Variants in SH3BP5 observed in about 807,000 individuals in gnomAD.
SH3BP5 encodes SH3 domain binding protein 5, also known as SH3 domain-binding protein 5.
Under a neutral mutation model 43.3 loss-of-function variants are expected in SH3BP5, and 22 were observed. The ratio of observed to expected loss-of-function variants is 0.51; its 90% CI spans 0.36 to 0.73. The LOEUF (loss-of-function observed/expected upper bound fraction) is 0.73. Ranked by LOEUF, SH3BP5 falls within the 30% of genes least tolerant of loss-of-function variation. The probability of loss-of-function intolerance (pLI) is 0.00; values close to 1 mark genes in which losing one functional copy is unlikely to be tolerated. For missense variants in SH3BP5, 529 were observed against 586.9 expected (o/e 0.90, Z 1.02); for synonymous variants, 255 against 225.8 (o/e 1.13, Z -1.16).
chr3:15,309,908 C>CA (rs987125793), intron 2 of SH3BP5, among the ~76,000 whole-genome samples: 1 of 93,664 alleles, frequency 1.1e-5, no homozygotes, highest in African/African-American at 4.4e-5. Context: ...CCCGCTCCAC[C>CA]CCCCCCCCAT....
intron 4 of SH3BP5, 21 bp from the exon 5 acceptor site, chr3:15,262,310 C>A: frequency 1.3e-6 from 2 of 1,596,778 alleles, no homozygotes; most frequent in Non-Finnish European, 8.6e-7. Context: ...CAGCAGAGTT[C>A]AGCCCAGTCC....
At position 15,313,098 on chromosome 3, in the gene SH3BP5, A is replaced by T. The variant is rs546644558; in HGVS notation, c.202-8867T>A. ...GTCTCTACTAAAAAATAAAAAAAAT[A>T]AAAAAATAAAAAAATAGCCGGGCAT... is the stretch of plus-strand genomic sequence containing the variant. On this transcript the variant is annotated intron_variant, in intron 2 of 8. Coordinates refer to ENST00000383791, the MANE Select transcript of SH3BP5 (RefSeq NM_004844.5). 7.8e-4 allele frequency among the ~76,000 whole-genome samples: 118 copies of T among 152,032 alleles called. 1 individual carries two copies. Among genetic ancestry groups the T allele is most frequent in the Non-Finnish European group, 1.5e-3 (101 of 68,002 alleles).
chr3:15,287,257 CATG>C (rs1697291421), intron 3 of SH3BP5, among the ~76,000 whole-genome samples: 1 of 152,196 alleles, frequency 6.6e-6, no homozygotes, highest in African/African-American at 2.4e-5. Flanking sequence ...ACATGACATG[CATG>C]ATATTTAAAG....
chr3:15,280,930 C>T (rs1344375848), intron 3 of SH3BP5, among the ~76,000 whole-genome samples: 2 of 152,226 alleles, frequency 1.3e-5, no homozygotes, highest in South Asian at 2.1e-4. Context: ...ACCCAGGCCA[C>T]GAACCTGGTC....
In SH3BP5 at chr3:15,289,429, C is replaced by T. The variant is rs1015055452; in HGVS notation, c.330+14674G>A. On this transcript the variant is annotated intron_variant, in intron 3 of 8. Transcript: ENST00000383791. ...CTGGAGTTCCTGGAGCCATCTTCAA[C>T]CACAAGGTGACGTGGAAGATTGGAC... Among the ~76,000 whole-genome samples the T allele has an allele frequency of 5.3e-5, 8 of 152,292 alleles. No individual in the cohort carries two copies. The South Asian group carries it at 1.5e-3, about 28-fold the overall frequency.
At chr3:15,262,839 TC>T (rs1696499670) in intron 4 of SH3BP5, among the ~76,000 whole-genome samples, 1 of 151,638 alleles carries the variant, frequency 6.6e-6, no homozygotes, top group Non-Finnish European at 1.5e-5. Flanking sequence ...ATGCCTGTAG[TC>T]CCAGCTACTT....
chr3:15,333,320 A>G, upstream of SH3BP5: 1 of 968,884 alleles, frequency 1.0e-6, no homozygotes, highest in Non-Finnish European at 1.2e-6. Context: ...CTGTGATGTC[A>G]GGGGAACGCA....
chr3:15,320,200 T>C (rs1698286219), intron 2 of SH3BP5, among the ~76,000 whole-genome samples: 1 of 152,028 alleles, frequency 6.6e-6, no homozygotes, highest in South Asian at 2.1e-4. Flanking sequence ...AAAAGATTTA[T>C]ATTAAGAGGG....
intron 4 of SH3BP5, among the ~76,000 whole-genome samples, chr3:15,265,164 C>T (rs1355017601): frequency 1.3e-5 from 2 of 152,124 alleles, no homozygotes; most frequent in Non-Finnish European, 2.9e-5. Context: ...CTTCGCCCCA[C>T]CAGGCCACGT....
At position 15,258,811 on chromosome 3, in the gene SH3BP5, C is replaced by T; in HGVS notation, c.889+20G>A. The T allele has an allele frequency of 6.3e-7, 1 of 1,590,958 alleles. No homozygotes were observed. The highest frequency in any genetic ancestry group is 8.6e-7 in the Non-Finnish European group (1 of 1,159,892). On this transcript the variant is annotated intron_variant, in intron 7 of 8. Transcript: ENST00000383791. Reference sequence around the variant, plus strand: ...ACAGTCTGATATCTCCCCACATACCCAGTGGAGCCCCTGACTTACCAGAAA... The same window carrying T: ...ACAGTCTGATATCTCCCCACATACCTAGTGGAGCCCCTGACTTACCAGAAA...
At chr3:15,293,573 A>C (rs960250518) in intron 3 of SH3BP5, among the ~76,000 whole-genome samples, 1 of 152,228 alleles carries the variant, frequency 6.6e-6, no homozygotes, top group Middle Eastern at 3.2e-3. Flanking sequence ...CAATGAGCTC[A>C]AAAACTGCCT....
intron 2 of SH3BP5, among the ~76,000 whole-genome samples, chr3:15,321,459 C>T (rs1698323032): frequency 6.6e-6 from 1 of 152,052 alleles, no homozygotes; most frequent in South Asian, 2.1e-4. Flanking sequence ...TTCCCATCAG[C>T]CTTCATAGTT....
At chr3:15,275,421 C>T (rs977512866) in intron 3 of SH3BP5, among the ~76,000 whole-genome samples, 3 of 152,186 alleles carry the variant, frequency 2.0e-5, no homozygotes, top group African/African-American at 7.2e-5. Context: ...TTGGTACAAC[C>T]GATAACATTT....
intron 2 of SH3BP5, among the ~76,000 whole-genome samples, chr3:15,325,321 C>G (rs572127860): frequency 2.8e-4 from 43 of 152,364 alleles, no homozygotes; most frequent in African/African-American, 9.6e-4. Context: ...ACCCATTTAT[C>G]TCTGACTCAC....
chr3:15,304,516 T>A (rs928161947), intron 2 of SH3BP5, among the ~76,000 whole-genome samples: 1 of 152,156 alleles, frequency 6.6e-6, no homozygotes, highest in African/African-American at 2.4e-5. Flanking sequence ...AGTTTTTAGT[T>A]TATTTAATTT....
At chr3:15,262,391 G>A (rs2125049933) in intron 4 of SH3BP5, 102 bp from the exon 5 acceptor site, 1 of 1,390,190 alleles carries the variant, frequency 7.2e-7, no homozygotes. Context: ...CCCGGGCATG[G>A]TGACACATGT....
At chr3:15,304,814 CAAAAAA>C (rs11358968) in intron 2 of SH3BP5, among the ~76,000 whole-genome samples, 1 of 80,154 alleles carries the variant, frequency 1.2e-5, no homozygotes, top group African/African-American at 4.7e-5. Flanking sequence ...GACTCTGTCT[CAAAAAA>C]AAAAAAAAAA....
intron 2 of SH3BP5, among the ~76,000 whole-genome samples, chr3:15,306,054 T>A (rs1307182483): frequency 8.8e-5 from 12 of 137,036 alleles, no homozygotes; most frequent in Admixed American, 7.9e-4. Context: ...TGCATGAGTT[T>A]AAAAAAAAAA....
chr3:15,316,219 C>CTTTTTTTTTTTT (rs577644493), intron 2 of SH3BP5, among the ~76,000 whole-genome samples: 2 of 81,686 alleles, frequency 2.4e-5, no homozygotes, highest in Non-Finnish European at 4.4e-5. Flanking sequence ...AAAAGACTCG[C>CTTTTTTTTTTTT]TTTTTTTTTT....
Sources: allele counts gnomAD v4.1 joint callset (sites outside exome capture counted in the v4.1 genomes callset), GRCh38; gene constraint gnomAD v4.1.1; transcripts MANE v1.5; gene names NCBI Gene and HGNC (gene_info 2026-07-23, HGNC 2026-07-21).